NLRP7: variants seen among roughly 807,000 people sequenced by gnomAD.
NLRP7 encodes NLR family pyrin domain containing 7.
NLRP7 carries 72 observed loss-of-function variants against 85.5 expected under a neutral mutation model. The observed-to-expected ratio is 0.84, with a 90% CI of 0.70 to 1.02. The LOEUF (loss-of-function observed/expected upper bound fraction) is 1.02, where lower values mean the gene tolerates loss of function less well. NLRP7 is among the 50% of genes least tolerant of loss of function. The pLI, the probability that NLRP7 is intolerant of heterozygous loss-of-function variation, is 0.00. For missense variants in NLRP7, 1,243 were observed against 1,219.5 expected (o/e 1.02, Z -0.29); for synonymous variants, 550 against 505.2 (o/e 1.09, Z -1.19).
chr19:54,947,361 T>A, intron 1 of NLRP7, 108 bp downstream of exon 1: 1 of 793,306 alleles, frequency 1.3e-6, no homozygotes, highest in Non-Finnish European at 1.8e-6. Flanking sequence ...TCCAGCATCC[T>A]CGCACCAACC....
intron 1 of NLRP7, among the ~76,000 whole-genome samples, chr19:54,945,238 C>CAAAAAA (rs75770706): frequency 4.3e-5 from 3 of 69,682 alleles, no homozygotes; most frequent in Non-Finnish European, 6.1e-5. Flanking sequence ...GACTCCCTCT[C>CAAAAAA]AAAAAAAAAA....
rs776710015 is a variant in NLRP7, at chr19:54,936,972, G to GGAGGCC, written c.2130-547_2130-542dup. ...TCACGCCTGTAATCCCAGCACTTTG[G>GGAGGCC]GAGGCCGAGGCCGAGGCGGGTGGAT... On this transcript the variant is annotated intron_variant, in intron 5 of 9. Coordinates refer to ENST00000340844, the Ensembl canonical transcript of NLRP7. Among the ~76,000 whole-genome samples the GGAGGCC allele has an allele frequency of 9.9e-5, 15 of 151,888 alleles. No homozygotes were observed. In the South Asian group the frequency reaches 2.5e-3, roughly 25 times the overall value.
intron 2 of NLRP7, 89 bp from the exon 3 acceptor site, chr19:54,941,094 T>C: frequency 8.1e-6 from 8 of 989,808 alleles, no homozygotes; most frequent in East Asian, 2.4e-5. Context: ...CCAGGCATGG[T>C]GGCTCATGCC....
Position 54,934,170 on chromosome 19 carries a change from T to C in NLRP7, c.2471+319A>G, listed in dbSNP as rs1216138785. On this transcript the variant is annotated intron_variant, in intron 7 of 9. Coordinates refer to ENST00000340844, the Ensembl canonical transcript of NLRP7. This position sits in a 1 kb window ranked among gnomAD's most constrained non-coding sequence, Gnocchi z 6.7. ...GTTAGCCAGGATGGTCTCGATCTCTTGACCTCGTGATCTCCCCGCCTTGGC... is the reference window on the plus strand; with the variant it reads ...GTTAGCCAGGATGGTCTCGATCTCTCGACCTCGTGATCTCCCCGCCTTGGC... Among the ~76,000 whole-genome samples the C allele has an allele frequency of 6.6e-6, 1 of 152,188 alleles. No individual in the cohort carries two copies. Among genetic ancestry groups the C allele is most frequent in the Non-Finnish European group, 1.5e-5 (1 of 68,038 alleles).
chr19:54,933,626 C>T lies in NLRP7; in HGVS notation c.2585G>A (p.Gly862Glu). Reference sequence around the variant, plus strand: ...CAAGCCCTCACACAGAAACTTCACCCCTGTATCCCCAATGGGGTTCTTGGC... The same window carrying T: ...CAAGCCCTCACACAGAAACTTCACCTCTGTATCCCCAATGGGGTTCTTGGC... The change falls in exon 8 of 10, where the codon GGG (glycine) becomes GAG (glutamate). Residue 862 changes from glycine (G) to glutamate (E), a missense_variant. By Grantham distance (98) the Gly-to-Glu change is moderately conservative. This residue lies in a region of NLRP7 where 613 missense variants were observed against 588.4 expected (regional missense o/e 1.04). Transcript: ENST00000340844. The T allele has an allele frequency of 6.2e-7, 1 of 1,614,174 alleles. No homozygotes were observed. Among genetic ancestry groups the T allele is most frequent in the Non-Finnish European group, 8.5e-7 (1 of 1,180,022 alleles).
At chr19:54,937,751 G>T (rs1429533975) in intron 5 of NLRP7, among the ~76,000 whole-genome samples, 2 of 151,860 alleles carry the variant, frequency 1.3e-5, no homozygotes, top group African/African-American at 2.4e-5. Flanking sequence ...TACAAAATTA[G>T]CCGGGCAAGG....
In NLRP7 at chr19:54,934,441, A is replaced by G. The variant is rs777136092; in HGVS notation, c.2471+48T>C. 1.0e-5 allele frequency: 16 copies of G among 1,596,602 alleles called. No individual in the cohort carries two copies. Among genetic ancestry groups the G allele is most frequent in the African/African-American group, 1.3e-5 (1 of 74,706 alleles). On this transcript the variant is annotated intron_variant, in intron 7 of 9. Coordinates refer to ENST00000340844, the Ensembl canonical transcript of NLRP7. This position sits in a 1 kb window ranked among gnomAD's most constrained non-coding sequence, Gnocchi z 6.7. Reference sequence around the variant, plus strand: ...AGTCAGGTGTTACCCTTTCTCTTCTATAGCCCCAGAACTAAACCAGAGCTG... The same window carrying G: ...AGTCAGGTGTTACCCTTTCTCTTCTGTAGCCCCAGAACTAAACCAGAGCTG...
exon 4 of NLRP7, chr19:54,939,805 T>C (rs370111068): frequency 6.8e-6 from 11 of 1,613,862 alleles, no homozygotes; most frequent in Middle Eastern, 1.7e-4. Flanking sequence ...GGTCCTCGTC[T>C]CCAAAGTGTC....
chr19:54,953,520 G>A (rs907178403), intron 1 of NLRP7, among the ~76,000 whole-genome samples: 3 of 152,032 alleles, frequency 2.0e-5, no homozygotes, highest in Admixed American at 6.6e-5. Flanking sequence ...AGGGTGTGGC[G>A]CCGGGCTGTC....
At chr19:54,962,268 A>T (rs909616310) in intron 1 of NLRP7, among the ~76,000 whole-genome samples, 263 of 133,176 alleles carry the variant, frequency 2.0e-3, no homozygotes, top group African/African-American at 7.0e-3. Flanking sequence ...CCATCCCTCA[A>T]TTTTTTTTTT....
chr19:54,955,172 C>G (rs994946516), intron 1 of NLRP7, among the ~76,000 whole-genome samples: 3 of 151,410 alleles, frequency 2.0e-5, no homozygotes, highest in Non-Finnish European at 4.4e-5. Context: ...TACTAAAATA[C>G]AAAAAAATTA....
exon 6 of NLRP7, chr19:54,936,329 C>G: frequency 6.2e-7 from 1 of 1,613,906 alleles, no homozygotes; most frequent in Non-Finnish European, 8.5e-7. Context: ...TCGTGCGTTC[C>G]CACTCGATGT....
chr19:54,944,641 G>A (rs1038824232), intron 1 of NLRP7, among the ~76,000 whole-genome samples: 7 of 152,086 alleles, frequency 4.6e-5, no homozygotes, highest in Non-Finnish European at 8.8e-5. Context: ...ACCCACAGGT[G>A]TGGAGGGGCA....
In NLRP7 at chr19:54,947,448, G is replaced by A. The variant is rs703473; in HGVS notation, c.-40+21C>T. 81,087 of 1,287,374 alleles carry A rather than the reference G, an allele frequency of 0.063. 4,491 individuals carry two copies. Among genetic ancestry groups the A allele is most frequent in the African/African-American group, 0.28 (18,114 of 65,772 alleles). 79.7% of individuals were successfully genotyped at this position (1,287,374 alleles called of 1,614,324 possible). A position where few individuals can be genotyped will look rare whatever the true frequency, so the allele number is the denominator to read the frequency against. On this transcript the variant is annotated intron_variant, in intron 1 of 9. Transcript: ENST00000340844. ...CCTTAAACGAGAAGACAAAGAAATC[G>A]ATGCAAGAACCAGCACTCACCTCCC...
At chr19:54,936,346 C>T in exon 6 of NLRP7, 1 of 1,613,946 alleles carries the variant, frequency 6.2e-7, no homozygotes, top group Non-Finnish European at 8.5e-7. Flanking sequence ...ATGTGCCCTG[C>T]CAGGGTCAGG....
At chr19:54,948,451 T>C (rs913402219), upstream of NLRP7, among the ~76,000 whole-genome samples, 1 of 152,102 alleles carries the variant, frequency 6.6e-6, no homozygotes, top group Non-Finnish European at 1.5e-5. Flanking sequence ...TTCAGGAGGC[T>C]GAGGTGGGAG....
rs978750637 is a variant in NLRP7 at position 54,934,283 on chromosome 19, G to A, written c.2471+206C>T. ...ATAGAAACAGGGTTTCACCATGTTG[G>A]CCAGGTTGGTCTCGAACTCCTGAAC... On this transcript the variant is annotated intron_variant, in intron 7 of 9. Transcript: ENST00000340844. The surrounding 1 kb of genome is among the most constrained non-coding windows in gnomAD (Gnocchi z 6.7). Among the ~76,000 whole-genome samples the A allele has an allele frequency of 6.6e-6, 1 of 152,102 alleles. No homozygotes were observed. Among genetic ancestry groups the A allele is most frequent in the Non-Finnish European group, 1.5e-5 (1 of 68,022 alleles).
In NLRP7 at chr19:54,930,563, C is replaced by A. The variant is rs1429325787; in HGVS notation, c.2746G>T (p.Ala916Ser). Residue 916 changes from alanine (A) to serine (S), a missense_variant, in exon 9 of 10, where the codon GCT becomes TCT. Coordinates refer to ENST00000340844, the Ensembl canonical transcript of NLRP7. ...TGACAGAGAATCCACAATCCACGAGCTATCTGGTTGATACTCAAGTCCAGG... is the reference window on the plus strand; with the variant it reads ...TGACAGAGAATCCACAATCCACGAGATATCTGGTTGATACTCAAGTCCAGG... The A allele has an allele frequency of 4.3e-6, 7 of 1,612,508 alleles. No individual in the cohort carries two copies. In the Admixed American group the frequency reaches 8.3e-5, roughly 19 times the overall value.
At position 54,953,347 on chromosome 19, in the gene NLRP7, G is replaced by C. The variant is rs764049283; in HGVS notation, c.-76-5842C>G. ...CTAAGGGGGTGTGCGTGAGAGGGTC[G>C]TGATCGACTGAGCAAGCAGGGGGTA... On this transcript the variant is annotated intron_variant, in intron 1 of 2. Coordinates refer to the NLRP7 transcript ENST00000587103. 2.6e-5 allele frequency: 4 copies of C among 152,476 alleles called. No homozygotes were observed. The South Asian group carries it at 8.3e-4, about 32-fold the overall frequency. The allele number at this position is 152,476 out of a possible 1,614,324, so 9.4% of individuals were successfully genotyped here.
Sources: allele counts gnomAD v4.1 joint callset (sites outside exome capture counted in the v4.1 genomes callset), GRCh38; gene constraint gnomAD v4.1.1; regional missense constraint gnomAD v4.1.1; non-coding constraint Gnocchi (gnomAD v3.1); transcripts MANE v1.5; gene names NCBI Gene and HGNC (gene_info 2026-07-23, HGNC 2026-07-21).